SCAF4: variants seen among roughly 807,000 people sequenced by gnomAD.
The protein encoded by SCAF4 is SR-related and CTD-associated factor 4.
Under a neutral mutation model 129.8 loss-of-function variants are expected in SCAF4, and 25 were observed. The observed-to-expected ratio is 0.19, with a 90% CI of 0.14 to 0.27. The LOEUF (loss-of-function observed/expected upper bound fraction) is 0.27, where lower values mean the gene tolerates loss of function less well. Among genes scored for constraint, SCAF4 ranks in the 10% least tolerant of loss-of-function variants. The pLI is 1.00. For missense variants in SCAF4, 1,246 were observed against 1,457.1 expected (o/e 0.86, Z 2.36); for synonymous variants, 551 against 497.7 (o/e 1.11, Z -1.43).
Position 31,685,534 on chromosome 21 carries a change from G to C in SCAF4, c.2209+34C>G, listed in dbSNP as rs191306091. On this transcript the variant is annotated intron_variant, in intron 17 of 19. Transcript: ENST00000286835. ...CTTATGCTGTATCACTCCATCGCAGGCTCTAAAGTATGTTCACAGACAATT... is the reference window on the plus strand; with the variant it reads ...CTTATGCTGTATCACTCCATCGCAGCCTCTAAAGTATGTTCACAGACAATT... 3.4e-3 allele frequency: 5,522 copies of C among 1,613,726 alleles called. 19 individuals are homozygous for C. The highest frequency in any genetic ancestry group is 4.2e-3 in the Non-Finnish European group (4,971 of 1,179,638).
At chr21:31,721,092 T>C (rs1284641520) in intron 1 of SCAF4, among the ~76,000 whole-genome samples, 4 of 152,244 alleles carry the variant, frequency 2.6e-5, no homozygotes, top group South Asian at 2.1e-4. Context: ...CTTTATAGAG[T>C]ATTTTCATCA....
intron 1 of SCAF4, among the ~76,000 whole-genome samples, chr21:31,713,494 T>C (rs2123643890): frequency 6.6e-6 from 1 of 152,286 alleles, no homozygotes; most frequent in Admixed American, 6.5e-5. Flanking sequence ...CGTAATTCTT[T>C]TGAGAAAAAG....
chr21:31,675,647 G>A (rs1265264577), intron 19 of SCAF4, among the ~76,000 whole-genome samples: 1 of 152,104 alleles, frequency 6.6e-6, no homozygotes, highest in East Asian at 1.9e-4. Flanking sequence ...AATACAGCGA[G>A]GCATTAGGGC....
Position 31,685,647 on chromosome 21 carries a change from G to C in SCAF4, c.2130C>G (p.Gly710=). The change falls in exon 17 of 20, where the codon GGC becomes GGG. Residue 710 remains glycine, a synonymous_variant. Transcript: ENST00000286835. The part of the protein sequence containing the change: ...FTPPLGIPPP[G]FGPGVPPPPP... ...GGGGAGGAGGAACACCAGGACCAAA[G>C]CCTGGAGGCGGTATTCCCAGAGGAG... is the stretch of plus-strand genomic sequence containing the variant. The C allele has an allele frequency of 6.2e-7, 1 of 1,614,012 alleles. No homozygotes were observed. The highest frequency in any genetic ancestry group is 8.5e-7 in the Non-Finnish European group (1 of 1,179,980).
At chr21:31,729,633 G>A (rs2051298479) in intron 1 of SCAF4, among the ~76,000 whole-genome samples, 1 of 152,176 alleles carries the variant, frequency 6.6e-6, no homozygotes, top group Non-Finnish European at 1.5e-5. Flanking sequence ...AATCAAGTAG[G>A]CACAGTAAGA....
intron 15 of SCAF4, among the ~76,000 whole-genome samples, chr21:31,690,501 CAT>C (rs2050234792): frequency 6.6e-6 from 1 of 151,988 alleles, no homozygotes; most frequent in Non-Finnish European, 1.5e-5. Flanking sequence ...TAAAAAAAAA[CAT>C]AATACCAAAG....
At position 31,685,630 on chromosome 21, in the gene SCAF4, G is replaced by A. The variant is rs759275436; in HGVS notation, c.2147C>T (p.Pro716Leu). ...AAATGGTGGAGGAGGAGGGGGAGGA[G>A]GAACACCAGGACCAAAGCCTGGAGG... ...IPPPGFGPGV[P>L]PPPPPPPFLR... Residue 716 changes from proline (P) to leucine (L), a missense_variant, in exon 17 of 20, where the codon CCT becomes CTT. Around this residue, in one of 6 missense-constraint regions of SCAF4, gnomAD observed 468 missense variants for 605.5 expected, o/e 0.77. Transcript: ENST00000286835. The A allele has an allele frequency of 4.3e-6, 7 of 1,613,772 alleles. No individual in the cohort carries two copies. Among genetic ancestry groups the A allele is most frequent in the Non-Finnish European group, 5.1e-6 (6 of 1,179,742 alleles).
intron 7 of SCAF4, among the ~76,000 whole-genome samples, chr21:31,699,965 T>G (rs1054118112): frequency 3.9e-5 from 6 of 152,014 alleles, no homozygotes; most frequent in African/African-American, 1.5e-4. Context: ...AATCCTCTTT[T>G]TTGTTGTTGC....
At chr21:31,712,373 A>G (rs112469809) in intron 1 of SCAF4, among the ~76,000 whole-genome samples, 3,470 of 151,048 alleles carry the variant, frequency 0.023, 122 homozygotes, top group African/African-American at 0.079. Context: ...GTGCACCACC[A>G]CACCCAGCAA....
At position 31,707,162 on chromosome 21, in the gene SCAF4, T is replaced by C. The variant is rs555361974; in HGVS notation, c.31-805A>G. Among the ~76,000 whole-genome samples the C allele has an allele frequency of 2.6e-5, 4 of 152,216 alleles. No homozygotes were observed. The East Asian group carries it at 7.7e-4, about 29-fold the overall frequency. The stretch of plus-strand genomic sequence containing the variant: ...CTTAACATTCCATAGATGGGGGGGT[T>C]ACTTTTTATATCCTATAATGTCTCT... On this transcript the variant is annotated intron_variant, in intron 1 of 19. Transcript: ENST00000286835.
chr21:31,683,083 C>A (rs2050032999), intron 19 of SCAF4, among the ~76,000 whole-genome samples: 1 of 152,168 alleles, frequency 6.6e-6, no homozygotes, highest in South Asian at 2.1e-4. Flanking sequence ...AAATTCTAAA[C>A]CCTTCTGGAT....
chr21:31,718,309 C>A (rs1413041926), intron 1 of SCAF4, among the ~76,000 whole-genome samples: 1 of 151,976 alleles, frequency 6.6e-6, no homozygotes, highest in Non-Finnish European at 1.5e-5. Context: ...ATACAGCTTA[C>A]TTCCATATAA....
chr21:31,684,355 T>C (rs936611295), intron 19 of SCAF4: 1 of 152,334 alleles, frequency 6.6e-6, no homozygotes, highest in African/African-American at 2.4e-5. Context: ...AAGCATGTGA[T>C]GTATTTATTC....
chr21:31,689,142 T>C (rs377360466), intron 15 of SCAF4, among the ~76,000 whole-genome samples: 2 of 152,148 alleles, frequency 1.3e-5, no homozygotes, highest in South Asian at 2.1e-4. Context: ...CAGCACATAG[T>C]AGGCCCTCAA....
At chr21:31,690,750 T>C in intron 15 of SCAF4, 47 bp downstream of exon 15, 2 of 1,560,080 alleles carry the variant, frequency 1.3e-6, no homozygotes, top group Non-Finnish European at 8.7e-7. Context: ...TCATATGTAC[T>C]ACCAAGCAAA....
chr21:31,723,457 A>AC (rs1373028793), intron 1 of SCAF4, among the ~76,000 whole-genome samples: 2 of 152,020 alleles, frequency 1.3e-5, no homozygotes, highest in Non-Finnish European at 2.9e-5. Flanking sequence ...CGTCTCAAAA[A>AC]AAACAAAACA....
At chr21:31,721,790 A>C (rs1163716680) in intron 1 of SCAF4, among the ~76,000 whole-genome samples, 7 of 148,576 alleles carry the variant, frequency 4.7e-5, no homozygotes, top group Non-Finnish European at 1.5e-5. Context: ...GCACAGGCAC[A>C]ATCTCGGCTC....
chr21:31,720,875 A>G (rs2123674833), intron 1 of SCAF4, among the ~76,000 whole-genome samples: 1 of 152,366 alleles, frequency 6.6e-6, no homozygotes, highest in South Asian at 2.1e-4. Context: ...TAATTTACAG[A>G]GCCATGCAGA....
intron 1 of SCAF4, among the ~76,000 whole-genome samples, chr21:31,719,214 C>T (rs1342034249): frequency 1.3e-5 from 2 of 151,972 alleles, no homozygotes; most frequent in African/African-American, 4.8e-5. Context: ...CACTTGAACC[C>T]TAGAGGTGGA....
Sources: allele counts gnomAD v4.1 joint callset (sites outside exome capture counted in the v4.1 genomes callset), GRCh38; gene constraint gnomAD v4.1.1; regional missense constraint gnomAD v4.1.1; transcripts MANE v1.5; gene names NCBI Gene and HGNC (gene_info 2026-07-23, HGNC 2026-07-21).